The following NECAB1 variants were observed in gnomAD, a reference collection of about 807,000 sequenced individuals.
The protein encoded by NECAB1 is N-terminal EF-hand calcium-binding protein 1.
A neutral mutation model predicts 57.5 loss-of-function variants in NECAB1; 29 were observed. The observed-to-expected ratio is 0.50, with a 90% CI of 0.38 to 0.69. The LOEUF is 0.69. Ranked by LOEUF, NECAB1 falls within the 30% of genes least tolerant of loss-of-function variation. The pLI is 0.00. For synonymous variants in NECAB1, 142 were observed against 147.7 expected, an observed-to-expected ratio of 0.96 and a Z score of 0.28; for missense variants, 372 against 413.8, an observed-to-expected ratio of 0.90 and a Z score of 0.88.
chr8:90,868,512 G>A (rs890949302), intron 3 of NECAB1, among the ~76,000 whole-genome samples: 2 of 152,126 alleles, frequency 1.3e-5, no homozygotes, highest in Non-Finnish European at 2.9e-5. Context: ...CTGGATAAAG[G>A]TCATTCTCAC....
At chr8:90,834,884 C>T (rs149788568) in intron 3 of NECAB1, among the ~76,000 whole-genome samples, 1 of 152,070 alleles carries the variant, frequency 6.6e-6, no homozygotes, top group Admixed American at 6.5e-5. Flanking sequence ...ATACTATCCC[C>T]CATAACCAAT....
intron 9 of NECAB1, chr8:90,940,579 C>T (rs971141756): frequency 2.0e-6 from 1 of 492,142 alleles, no homozygotes; most frequent in Non-Finnish European, 3.7e-6. Flanking sequence ...CGTTGTTTAG[C>T]TTCTGGGACT....
intron 10 of NECAB1, 71 bp from the exon 11 acceptor site, chr8:90,949,736 T>C (rs984234589): frequency 1.2e-6 from 1 of 813,372 alleles, no homozygotes. Context: ...ATACTACATA[T>C]GGATATTAGA....
chr8:90,944,062 A>G (rs1810739711), intron 10 of NECAB1, among the ~76,000 whole-genome samples: 1 of 152,168 alleles, frequency 6.6e-6, no homozygotes. Context: ...TCTTGTCTTC[A>G]CAGCAATAAT....
At chr8:90,820,276 T>A (rs1360474708) in intron 2 of NECAB1, among the ~76,000 whole-genome samples, 1 of 146,900 alleles carries the variant, frequency 6.8e-6, no homozygotes, top group African/African-American at 2.5e-5. Context: ...AGAAATGACA[T>A]CTAAGGCTTA....
Position 90,917,578 on chromosome 8 carries a change from T to C in NECAB1, c.444T>C (p.Asn148=). The part of the protein sequence containing the change: ...ETLNQLQSLQ[N]SLECAMETTE... ...TGAATCAGCTGCAGTCTCTCCAGAA[T>C]TCCCTGGAATGTGCCATGGAAACTA... The change falls in exon 6 of 13, where the codon AAT becomes AAC. Residue 148 remains asparagine, a synonymous_variant. Transcript: ENST00000417640. 10 of 1,612,132 alleles carry C rather than the reference T, an allele frequency of 6.2e-6. No individual in the cohort carries two copies. The highest frequency in any genetic ancestry group is 8.5e-6 in the Non-Finnish European group (10 of 1,178,852).
intron 3 of NECAB1, among the ~76,000 whole-genome samples, chr8:90,836,137 A>G (rs907791094): frequency 6.6e-6 from 1 of 152,222 alleles, no homozygotes; most frequent in Non-Finnish European, 1.5e-5. Context: ...TCATATTTTA[A>G]CAGACACAAA....
chr8:90,894,415 T>C (rs1809273162), intron 5 of NECAB1, among the ~76,000 whole-genome samples: 1 of 152,190 alleles, frequency 6.6e-6, no homozygotes, highest in Non-Finnish European at 1.5e-5. Flanking sequence ...TGGAGAGATG[T>C]CTCCAGAAAT....
intron 6 of NECAB1, among the ~76,000 whole-genome samples, chr8:90,919,388 C>G (rs1244416628): frequency 6.6e-6 from 1 of 152,172 alleles, no homozygotes; most frequent in African/African-American, 2.4e-5. Context: ...TTTTCCTGAA[C>G]AAATTAACTG....
chr8:90,864,023 A>C, intron 3 of NECAB1, among the ~76,000 whole-genome samples: 1 of 152,178 alleles, frequency 6.6e-6, no homozygotes, highest in Non-Finnish European at 1.5e-5. Flanking sequence ...TTACTTGTTC[A>C]TATTGAGATA....
intron 6 of NECAB1, among the ~76,000 whole-genome samples, chr8:90,924,509 T>G (rs1207796308): frequency 2.0e-5 from 3 of 152,200 alleles, no homozygotes; most frequent in African/African-American, 7.2e-5. Flanking sequence ...GGATTATATC[T>G]TACACACAAG....
intron 11 of NECAB1, among the ~76,000 whole-genome samples, chr8:90,950,268 TGC>T (rs1810898997): frequency 6.6e-6 from 1 of 152,138 alleles, no homozygotes; most frequent in Non-Finnish European, 1.5e-5. Flanking sequence ...GGATAGTCTG[TGC>T]AGTTATTTTA....
chr8:90,937,465 G>GT (rs1010564515), intron 9 of NECAB1, among the ~76,000 whole-genome samples: 6 of 151,850 alleles, frequency 4.0e-5, no homozygotes, highest in Admixed American at 1.3e-4. Flanking sequence ...ATAAATAGAA[G>GT]TTTTTTTAAA....
At chr8:90,819,349 G>T (rs555341106) in intron 2 of NECAB1, among the ~76,000 whole-genome samples, 1 of 151,854 alleles carries the variant, frequency 6.6e-6, no homozygotes, top group South Asian at 2.1e-4. Flanking sequence ...TTGCATTTTA[G>T]CATGATTTGT....
intron 4 of NECAB1, among the ~76,000 whole-genome samples, chr8:90,876,466 T>A (rs1056828302): frequency 6.6e-6 from 1 of 152,060 alleles, no homozygotes; most frequent in Non-Finnish European, 1.5e-5. Context: ...TCATCTAAAC[T>A]CATGAGAATA....
chr8:90,917,678 G>C, intron 6 of NECAB1, 50 bp downstream of exon 6: 1 of 1,508,372 alleles, frequency 6.6e-7, no homozygotes, highest in Non-Finnish European at 8.9e-7. Context: ...CTATGTTCAT[G>C]AAAAAACAAT....
chr8:90,797,863 C>T (rs541680112), intron 1 of NECAB1, among the ~76,000 whole-genome samples: 2 of 152,224 alleles, frequency 1.3e-5, no homozygotes, highest in South Asian at 2.1e-4. Context: ...CTATCTGGAC[C>T]CAGTTTCCCT....
At chr8:90,854,697 A>G (rs1812760460) in intron 3 of NECAB1, among the ~76,000 whole-genome samples, 1 of 152,216 alleles carries the variant, frequency 6.6e-6, no homozygotes, top group Admixed American at 6.5e-5. Context: ...AAACTACTCT[A>G]GCCAAGGAGT....
chr8:90,836,808 A>G (rs372108319), intron 3 of NECAB1, among the ~76,000 whole-genome samples: 5 of 152,206 alleles, frequency 3.3e-5, no homozygotes, highest in African/African-American at 7.2e-5. Flanking sequence ...TGTGCCATGT[A>G]TTATGCATAA....
Sources: allele counts gnomAD v4.1 joint callset (sites outside exome capture counted in the v4.1 genomes callset), GRCh38; gene constraint gnomAD v4.1.1; transcripts MANE v1.5; gene names NCBI Gene and HGNC (gene_info 2026-07-23, HGNC 2026-07-21).